The following SIPA1L3 variants were observed in gnomAD, a reference collection of about 807,000 sequenced individuals.
SIPA1L3 encodes signal induced proliferation associated 1 like 3.
In SIPA1L3, 59 loss-of-function variants were observed where a neutral mutation model predicts 150.1. The observed-to-expected ratio is 0.39, with a 90% CI of 0.32 to 0.49. The LOEUF (loss-of-function observed/expected upper bound fraction) is 0.49, where lower values mean the gene tolerates loss of function less well. Among genes scored for constraint, SIPA1L3 ranks in the 20% least tolerant of loss-of-function variants. The pLI, the probability that SIPA1L3 is intolerant of heterozygous loss-of-function variation, is 0.86. For missense variants in SIPA1L3, 2,211 were observed against 2,489.5 expected (o/e 0.89, Z 2.38); for synonymous variants, 1,070 against 1,077.6 (o/e 0.99, Z 0.14).
chr19:38,190,897 CAT>C (rs1269071623), intron 16 of SIPA1L3, among the ~76,000 whole-genome samples: 1 of 152,156 alleles, frequency 6.6e-6, no homozygotes, highest in Non-Finnish European at 1.5e-5. Context: ...TTCCCCACAC[CAT>C]ACGTGTTTCC....
intron 9 of SIPA1L3, among the ~76,000 whole-genome samples, chr19:38,124,870 C>T (rs1600104413): frequency 6.6e-6 from 1 of 152,138 alleles, no homozygotes; most frequent in Non-Finnish European, 1.5e-5. Flanking sequence ...GGTGTGGCGG[C>T]GCGCGCCTGC....
At chr19:38,040,862 G>A (rs1272310934) in intron 2 of SIPA1L3, among the ~76,000 whole-genome samples, 13 of 152,152 alleles carry the variant, frequency 8.5e-5, no homozygotes, top group South Asian at 6.2e-4. Flanking sequence ...CTGGGTTCAC[G>A]CCATTCTCCT....
rs374262297 is a variant in SIPA1L3, at chr19:37,942,000, C to T, written c.-379+34642C>T. On this transcript the variant is annotated intron_variant, in intron 1 of 21. Transcript: ENST00000222345. ...GGGATCAGTTATTCATTATATTGCA[C>T]GATATCTAAGGGCCTCTTTGCTGCT... is the stretch of plus-strand genomic sequence containing the variant. Among the ~76,000 whole-genome samples, 10 of 152,292 alleles carry T rather than the reference C, an allele frequency of 6.6e-5. No individual in the cohort carries two copies. In the East Asian group the frequency reaches 1.2e-3, roughly 18 times the overall value.
At chr19:38,054,424 T>G (rs1304294114) in intron 2 of SIPA1L3, among the ~76,000 whole-genome samples, 1 of 152,194 alleles carries the variant, frequency 6.6e-6, no homozygotes, top group East Asian at 1.9e-4. Flanking sequence ...CTGACCAACA[T>G]GGTGAAACCC....
chr19:37,988,537 A>G (rs1967419711), intron 1 of SIPA1L3, among the ~76,000 whole-genome samples: 1 of 152,174 alleles, frequency 6.6e-6, no homozygotes, highest in East Asian at 1.9e-4. Context: ...TGAGCCAGAC[A>G]TGGTGGTGGG....
chr19:37,951,765 C>T (rs1321188797), intron 1 of SIPA1L3, among the ~76,000 whole-genome samples: 2 of 151,708 alleles, frequency 1.3e-5, no homozygotes, highest in African/African-American at 2.4e-5. Flanking sequence ...GGCATGGTGG[C>T]GGGCGCCTGT....
chr19:38,128,950 G>T (rs59571293), intron 9 of SIPA1L3, among the ~76,000 whole-genome samples: 2 of 152,030 alleles, frequency 1.3e-5, no homozygotes, highest in African/African-American at 4.8e-5. Flanking sequence ...GTATGAAAGC[G>T]GGCATCCTGA....
intron 1 of SIPA1L3, among the ~76,000 whole-genome samples, chr19:37,928,783 T>C (rs2046528158): frequency 6.6e-6 from 1 of 152,136 alleles, no homozygotes; most frequent in Non-Finnish European, 1.5e-5. Flanking sequence ...CCAAATGAAA[T>C]TGGCCTGAAA....
intron 1 of SIPA1L3, among the ~76,000 whole-genome samples, chr19:37,992,401 A>G (rs1967530712): frequency 1.3e-5 from 2 of 152,226 alleles, no homozygotes; most frequent in Non-Finnish European, 2.9e-5. Context: ...CTGTAATCCC[A>G]GCACTTTGGG....
At chr19:38,072,033 A>T (rs1449491551) in intron 2 of SIPA1L3, among the ~76,000 whole-genome samples, 1 of 152,220 alleles carries the variant, frequency 6.6e-6, no homozygotes, top group East Asian at 1.9e-4. Context: ...CGCATTGGCG[A>T]CACACGTTTA....
chr19:38,116,778 C>T (rs544024445), intron 8 of SIPA1L3, among the ~76,000 whole-genome samples: 3 of 152,014 alleles, frequency 2.0e-5, no homozygotes, highest in Non-Finnish European at 2.9e-5. Flanking sequence ...TGACTGAACC[C>T]GGGAGGTGGA....
intron 11 of SIPA1L3, 21 bp downstream of exon 11, chr19:38,141,456 C>G (rs776782390): frequency 1.0e-5 from 16 of 1,595,962 alleles, no homozygotes; most frequent in Non-Finnish European, 1.4e-5. Flanking sequence ...GCTGGGGGGA[C>G]CAATACTTCC....
At chr19:38,169,278 A>G (rs963085902) in intron 15 of SIPA1L3, among the ~76,000 whole-genome samples, 1 of 152,032 alleles carries the variant, frequency 6.6e-6, no homozygotes, top group Non-Finnish European at 1.5e-5. Flanking sequence ...GGTCCCAGCT[A>G]TTCTGGAGGC....
At chr19:38,128,134 A>G (rs189005604) in intron 9 of SIPA1L3, among the ~76,000 whole-genome samples, 3 of 141,076 alleles carry the variant, frequency 2.1e-5, no homozygotes, top group Admixed American at 7.8e-5. Flanking sequence ...GGCTCACTGC[A>G]ACCTCTGCCT....
chr19:38,003,340 G>A (rs937899598), intron 1 of SIPA1L3, among the ~76,000 whole-genome samples: 1 of 152,166 alleles, frequency 6.6e-6, no homozygotes, highest in Non-Finnish European at 1.5e-5. Flanking sequence ...AGAAGAATGG[G>A]ATTTTTCAAG....
intron 1 of SIPA1L3, among the ~76,000 whole-genome samples, chr19:38,012,305 C>T (rs529806669): frequency 1.3e-5 from 2 of 152,034 alleles, no homozygotes; most frequent in African/African-American, 4.8e-5. Flanking sequence ...AGGCTGATTT[C>T]GAACTCCTGA....
At position 38,206,084 on chromosome 19, in the gene SIPA1L3, C is replaced by T; in HGVS notation, c.5203-13C>T. 1 of 1,533,780 alleles carries T rather than the reference C, an allele frequency of 6.5e-7. No individual in the cohort carries two copies. Among genetic ancestry groups the T allele is most frequent in the Non-Finnish European group, 8.8e-7 (1 of 1,135,612 alleles). Reference sequence around the variant, plus strand: ...AGCCCACCCGCCTGATGCCAGCTTCCCACCCTGTGCAGGAGAAGCAGGACA... The same window carrying T: ...AGCCCACCCGCCTGATGCCAGCTTCTCACCCTGTGCAGGAGAAGCAGGACA... On this transcript the variant is annotated splice_polypyrimidine_tract_variant and intron_variant, in intron 21 of 21. Transcript: ENST00000222345.
chr19:37,914,752 C>T (rs944386107), intron 1 of SIPA1L3, among the ~76,000 whole-genome samples: 3 of 152,082 alleles, frequency 2.0e-5, no homozygotes, highest in Non-Finnish European at 2.9e-5. Context: ...TGATCCTCCA[C>T]CCTCAGTCTT....
chr19:38,170,107 G>A (rs967173106), intron 15 of SIPA1L3, among the ~76,000 whole-genome samples: 9 of 152,132 alleles, frequency 5.9e-5, no homozygotes, highest in South Asian at 2.1e-4. Flanking sequence ...TAACCCAGTT[G>A]TGAGAGGGGC....
Sources: gnomAD v4.1 joint callset for allele counts (sites outside exome capture counted in the v4.1 genomes callset) on GRCh38, gnomAD v4.1.1 for gene constraint, MANE v1.5 for transcripts, NCBI Gene and HGNC (gene_info 2026-07-23, HGNC 2026-07-21) for gene names.